Variants in EML4 observed in about 807,000 individuals in gnomAD.
EML4 encodes the protein EMAP like 4, also known as echinoderm microtubule-associated protein-like 4.
Under a neutral mutation model 129.0 loss-of-function variants are expected in EML4, and 72 were observed. That is an observed-to-expected ratio of 0.56 (90% CI 0.46 to 0.68). The LOEUF is 0.68. Ranked by LOEUF, EML4 falls within the 30% of genes least tolerant of loss-of-function variation. EML4 has a pLI of 0.00. For missense variants in EML4, 1,363 were observed against 1,190.6 expected, an observed-to-expected ratio of 1.14 and a Z score of -2.13; for synonymous variants, 532 against 405.0, an observed-to-expected ratio of 1.31 and a Z score of -3.77.
intron 3 of EML4, among the ~76,000 whole-genome samples, chr2:42,259,711 T>C (rs1665589181): frequency 8.1e-6 from 1 of 122,980 alleles, no homozygotes; most frequent in South Asian, 2.4e-4. Flanking sequence ...TATGATTTTG[T>C]TTCTTTCTTT....
chr2:42,261,060 C>T (rs1472886776), intron 3 of EML4, 61 bp from the exon 4 acceptor site: 3 of 1,268,978 alleles, frequency 2.4e-6, no homozygotes, highest in African/African-American at 1.5e-5. Flanking sequence ...ACTTTTCTAT[C>T]GTTTGATTTT....
chr2:42,290,471 A>C (rs1160982142), intron 11 of EML4, among the ~76,000 whole-genome samples: 2 of 152,038 alleles, frequency 1.3e-5, no homozygotes, highest in Admixed American at 1.3e-4. Flanking sequence ...TCACGCCTAT[A>C]ATCCGAGTAC....
intron 1 of EML4, among the ~76,000 whole-genome samples, chr2:42,225,393 C>G (rs1463021846): frequency 6.6e-6 from 1 of 152,148 alleles, no homozygotes; most frequent in African/African-American, 2.4e-5. Context: ...TCTAATTTCT[C>G]CACGTATGTT....
At chr2:42,214,240 C>G (rs943070320) in intron 1 of EML4, among the ~76,000 whole-genome samples, 1 of 152,066 alleles carries the variant, frequency 6.6e-6, no homozygotes, top group Non-Finnish European at 1.5e-5. Flanking sequence ...AAATTTATGT[C>G]TAGTACATTT....
In EML4 at chr2:42,332,258, T is replaced by TAATC; in HGVS notation, c.*2053_*2056dup. The TAATC allele has an allele frequency of 4.6e-6, 1 of 215,386 alleles. No homozygotes were observed. Among genetic ancestry groups the TAATC allele is most frequent in the Non-Finnish European group, 9.4e-6 (1 of 106,486 alleles). 13.3% of individuals were successfully genotyped at this position (215,386 alleles called of 1,614,324 possible). On this transcript the variant is annotated 3_prime_UTR_variant, in exon 23 of 23. Transcript: ENST00000318522. ...GGGTTGCCATGTACAATGAGATTTA[T>TAATC]AATCATGATACTCTTCGGTGGTAGT...
intron 14 of EML4, among the ~76,000 whole-genome samples, chr2:42,302,693 C>G (rs1480757851): frequency 1.3e-5 from 2 of 152,194 alleles, no homozygotes; most frequent in Admixed American, 6.5e-5. Flanking sequence ...GCCACCGCAC[C>G]TGGCTGATTT....
chr2:42,303,433 C>G lies in EML4; in HGVS notation c.1886C>G (p.Thr629Ser). 1 of 1,613,830 alleles carries G rather than the reference C, an allele frequency of 6.2e-7. No individual in the cohort carries two copies. The highest frequency in any genetic ancestry group is 8.5e-7 in the Non-Finnish European group (1 of 1,179,868). The change falls in exon 16 of 23, where the codon ACC becomes AGC. Residue 629 changes from threonine (T) to serine (S), a missense_variant. Coordinates refer to ENST00000318522, the MANE Select transcript of EML4 (RefSeq NM_019063.5). Reference sequence around the variant, plus strand: ...TCAATGGAACACAGGCTGGAATGGACCAGGCTGGTAGATGTGAGTGAAGCA... The same window carrying G: ...TCAATGGAACACAGGCTGGAATGGAGCAGGCTGGTAGATGTGAGTGAAGCA... ...WNSMEHRLEWTRLVDEPGHCA... is the reference protein window; with the variant it reads ...WNSMEHRLEWSRLVDEPGHCA...
At chr2:42,247,445 C>T (rs528043219) in intron 2 of EML4, among the ~76,000 whole-genome samples, 20 of 152,164 alleles carry the variant, frequency 1.3e-4, no homozygotes, top group South Asian at 1.2e-3. Context: ...TCATTCTGCC[C>T]GGTTTTGTGA....
intron 19 of EML4, among the ~76,000 whole-genome samples, chr2:42,321,052 G>T (rs1669491118): frequency 6.6e-6 from 1 of 152,030 alleles, no homozygotes. Flanking sequence ...TTTCAGTAAG[G>T]TAATAGAATT....
intron 1 of EML4, among the ~76,000 whole-genome samples, chr2:42,190,240 C>A (rs552133189): frequency 5.3e-5 from 8 of 152,238 alleles, no homozygotes; most frequent in African/African-American, 1.7e-4. Flanking sequence ...TTCTTTGCAA[C>A]CTTAAGTCTC....
In EML4 at chr2:42,288,270, A is replaced by T; in HGVS notation, c.1166A>T (p.His389Leu). Residue 389 changes from histidine (H) to leucine (L), a missense_variant, in exon 11 of 23, where the codon CAT becomes CTT. Coordinates refer to ENST00000318522, the MANE Select transcript of EML4 (RefSeq NM_019063.5). ...HLCIIDDSNE[H>L]MLTVWDWQKK... is the part of the protein sequence containing the mutation. Reference sequence around the variant, plus strand: ...TGTATTATTGATGACTCCAATGAGCATATGCTTACTGTATGGGACTGGCAG... The same window carrying T: ...TGTATTATTGATGACTCCAATGAGCTTATGCTTACTGTATGGGACTGGCAG... 1 of 1,577,030 alleles carries T rather than the reference A, an allele frequency of 6.3e-7. No individual in the cohort carries two copies. Among genetic ancestry groups the T allele is most frequent in the South Asian group, 1.1e-5 (1 of 88,608 alleles).
At chr2:42,294,297 A>G (rs1056523042) in intron 11 of EML4, among the ~76,000 whole-genome samples, 1 of 152,166 alleles carries the variant, frequency 6.6e-6, no homozygotes, top group African/African-American at 2.4e-5. Context: ...CCCTCTGGGA[A>G]TGTTTTTGTT....
chr2:42,294,898 C>T (rs1353818985), intron 11 of EML4, among the ~76,000 whole-genome samples: 1 of 152,074 alleles, frequency 6.6e-6, no homozygotes, highest in Non-Finnish European at 1.5e-5. Flanking sequence ...CTTTCTAATG[C>T]AGCGTTTTTA....
intron 1 of EML4, among the ~76,000 whole-genome samples, chr2:42,186,396 A>G (rs774877098): frequency 1.3e-5 from 2 of 152,230 alleles, no homozygotes; most frequent in Non-Finnish European, 2.9e-5. Flanking sequence ...TAACTTGACA[A>G]ACTTGCTGTA....
chr2:42,307,424 T>G (rs933209593), intron 17 of EML4, among the ~76,000 whole-genome samples: 1 of 152,228 alleles, frequency 6.6e-6, no homozygotes, highest in African/African-American at 2.4e-5. Flanking sequence ...AGGGGAGATG[T>G]AGTTGTCAGT....
intron 1 of EML4, among the ~76,000 whole-genome samples, chr2:42,233,069 C>T (rs1390165015): frequency 1.3e-5 from 2 of 152,058 alleles, no homozygotes; most frequent in Non-Finnish European, 2.9e-5. Context: ...TGCCTCATTC[C>T]AATGTCTTTT....
intron 1 of EML4, among the ~76,000 whole-genome samples, chr2:42,175,513 G>T (rs939602337): frequency 3.3e-5 from 5 of 150,272 alleles, no homozygotes; most frequent in Admixed American, 3.3e-4. Context: ...ATTTTATTTT[G>T]TTTTTTTGAG....
intron 1 of EML4, among the ~76,000 whole-genome samples, chr2:42,188,078 C>T (rs1028520404): frequency 6.6e-6 from 1 of 152,098 alleles, no homozygotes; most frequent in African/African-American, 2.4e-5. Flanking sequence ...TTGAACTAAT[C>T]GGAAAGATTA....
chr2:42,224,368 C>T (rs1213019655), intron 1 of EML4, among the ~76,000 whole-genome samples: 1 of 152,150 alleles, frequency 6.6e-6, no homozygotes, highest in Non-Finnish European at 1.5e-5. Context: ...CATGTTGCAG[C>T]ATGTATCACT....
Sources: gnomAD v4.1 joint callset for allele counts (sites outside exome capture counted in the v4.1 genomes callset) on GRCh38, gnomAD v4.1.1 for gene constraint, MANE v1.5 for transcripts, NCBI Gene and HGNC (gene_info 2026-07-23, HGNC 2026-07-21) for gene names.